The following SHOX2 variants were observed in gnomAD, a reference collection of about 807,000 sequenced individuals.
The protein encoded by SHOX2 is short stature homeobox protein 2.
Under a neutral mutation model 31.3 loss-of-function variants are expected in SHOX2, and 13 were observed. The observed-to-expected ratio is 0.42, with a 90% CI of 0.27 to 0.66. The LOEUF (loss-of-function observed/expected upper bound fraction) is 0.66, where lower values mean the gene tolerates loss of function less well. SHOX2 is among the 30% of genes least tolerant of loss of function. The pLI is 0.27. For missense variants in SHOX2, 473 were observed against 443.0 expected (o/e 1.07, Z -0.61); for synonymous variants, 244 against 196.2 (o/e 1.24, Z -2.04).
chr3:158,099,083 C>T (rs911606021), intron 4 of SHOX2, among the ~76,000 whole-genome samples: 3 of 152,172 alleles, frequency 2.0e-5, no homozygotes, highest in African/African-American at 7.2e-5. Flanking sequence ...TCTGTCTCCC[C>T]GGTCCAAGTC....
At chr3:158,101,801 G>A (rs1187521158) in intron 2 of SHOX2, among the ~76,000 whole-genome samples, 2 of 152,116 alleles carry the variant, frequency 1.3e-5, no homozygotes, top group South Asian at 2.1e-4. Flanking sequence ...TTATCTGAGC[G>A]GAAATACAAT....
chr3:158,102,402 G>T lies in SHOX2; in HGVS notation c.555+276C>A, dbSNP rs188821091. Among the ~76,000 whole-genome samples, 538 of 151,668 alleles carry T rather than the reference G, an allele frequency of 3.5e-3. 2 individuals are homozygous for T. The highest frequency in any genetic ancestry group is 0.012 in the African/African-American group (501 of 41,288). On this transcript the variant is annotated intron_variant, in intron 2 of 4. Coordinates refer to ENST00000483851, the MANE Select transcript of SHOX2 (RefSeq NM_001163678.2). Reference sequence around the variant, plus strand: ...TAAACCACATTAAAGCCAGTGCGAGGCAAGGGGGGTGTGGTTTATAGAAAC... The same window carrying T: ...TAAACCACATTAAAGCCAGTGCGAGTCAAGGGGGGTGTGGTTTATAGAAAC...
chr3:158,103,107 C>G, intron 1 of SHOX2: 2 of 594,654 alleles, frequency 3.4e-6, no homozygotes, highest in Non-Finnish European at 6.0e-6. Flanking sequence ...GAGCGGCCGC[C>G]TGGGGCAAGG....
chr3:158,105,573 C>G (rs1015426275), intron 1 of SHOX2, 106 bp downstream of exon 1: 15 of 1,048,852 alleles, frequency 1.4e-5, no homozygotes, highest in South Asian at 1.1e-4. Context: ...AGGGCCCTCT[C>G]CGTGTCCCTC....
chr3:158,100,597 G>A (rs930312586), intron 2 of SHOX2, among the ~76,000 whole-genome samples: 1 of 152,152 alleles, frequency 6.6e-6, no homozygotes, highest in African/African-American at 2.4e-5. Context: ...AACTCTGCTT[G>A]GTACCTGATA....
chr3:158,098,051 C>G lies in SHOX2; in HGVS notation c.936G>C (p.Lys312Asn). Reference protein sequence around the residue: ...SIADLRLKAKKHAAALGL With the variant: ...SIADLRLKAKNHAAALGL ...GTCACAGACCCAGGGCTGCGGCGTG[C>G]TTTTTGGCTTTCAGTCTGAGATCGG... is the stretch of plus-strand genomic sequence containing the variant. The change falls in exon 5 of 5, where the codon AAG (lysine) becomes AAC (asparagine). Residue 312 changes from lysine to asparagine, a missense_variant. Coordinates refer to ENST00000483851, the MANE Select transcript of SHOX2 (RefSeq NM_001163678.2). 1 of 1,607,412 alleles carries G rather than the reference C, an allele frequency of 6.2e-7. No individual in the cohort carries two copies. Among genetic ancestry groups the G allele is most frequent in the Non-Finnish European group, 8.5e-7 (1 of 1,175,646 alleles).
At chr3:158,103,026 G>A (rs977885356) in intron 1 of SHOX2, 140 bp from the exon 2 acceptor site, 1 of 820,248 alleles carries the variant, frequency 1.2e-6, no homozygotes, top group Admixed American at 2.1e-5. Flanking sequence ...CTTCCCCCTC[G>A]TGGAATCCTG....
Position 158,105,691 on chromosome 3 carries a change from G to T in SHOX2, c.334C>A (p.Arg112=), listed in dbSNP as rs763035740. Residue 112 remains arginine (R), a synonymous_variant, in exon 1 of 5, where the codon CGA becomes AGA. Transcript: ENST00000483851. The stretch of plus-strand genomic sequence containing the variant: ...GTCAGGTCGTTACCCTCCGTCAGTC[G>T]CGGGCTGCCCGGCTCCCTGCTTCTC... ...AERSREPGSP[R]LTEVSPELKD... 2.6e-6 allele frequency: 4 copies of T among 1,522,198 alleles called. No homozygotes were observed. The Admixed American group carries it at 8.2e-5, about 31-fold the overall frequency. 94.3% of individuals were successfully genotyped at this position (1,522,198 alleles called of 1,614,324 possible). A position where few individuals can be genotyped will look rare whatever the true frequency, so the allele number is the denominator to read the frequency against.
Position 158,098,069 on chromosome 3 carries a change from G to A in SHOX2, c.918C>T (p.Leu306=), listed in dbSNP as rs201236888. The change falls in exon 5 of 5, where the codon CTC becomes CTT. Residue 306 remains leucine (L), a synonymous_variant. Coordinates refer to ENST00000483851, the MANE Select transcript of SHOX2 (RefSeq NM_001163678.2). Reference sequence around the variant, plus strand: ...CGGCGTGCTTTTTGGCTTTCAGTCTGAGATCGGCGATGCTGGAGTTCTTGC... The same window carrying A: ...CGGCGTGCTTTTTGGCTTTCAGTCTAAGATCGGCGATGCTGGAGTTCTTGC... The part of the protein sequence containing the change: ...TTSKNSSIAD[L]RLKAKKHAAA... The A allele has an allele frequency of 5.6e-6, 9 of 1,611,288 alleles. No homozygotes were observed. Among genetic ancestry groups the A allele is most frequent in the South Asian group, 1.1e-5 (1 of 90,894 alleles).
intron 2 of SHOX2, 21 bp downstream of exon 2, chr3:158,102,657 G>C: frequency 6.2e-7 from 1 of 1,611,260 alleles, no homozygotes; most frequent in Non-Finnish European, 8.5e-7. Flanking sequence ...CTGGGCCCTC[G>C]ACCTCCTGGC....
At position 158,100,314 on chromosome 3, in the gene SHOX2, A is replaced by G. The variant is rs939585574; in HGVS notation, c.556-3T>C. 6.3e-7 allele frequency: 1 copy of G among 1,596,076 alleles called. No individual in the cohort carries two copies. The highest frequency in any genetic ancestry group is 8.5e-7 in the Non-Finnish European group (1 of 1,175,058). On this transcript the variant is annotated splice_polypyrimidine_tract_variant and splice_region_variant and intron_variant, in intron 2 of 4. Transcript: ENST00000483851. ...GCTCTTCGATTTTGAAACCAAACCT[A>G]TAGGTTGGAGGGGGAAAAAAAATAA...
rs200467564 is a variant in SHOX2 at position 158,099,931 on chromosome 3, C to G, written c.631G>C (p.Ala211Pro). ...QLHKGVLIGA[A>P]SQFEACRVAP... is the part of the protein sequence containing the mutation. ...ACTCTACAAGCTTCAAACTGGCTGG[C>G]GGCCCCTATGAGAACACCTGTAAAA... The change falls in exon 4 of 5, where the codon GCC becomes CCC. Residue 211 changes from alanine to proline, a missense_variant. Transcript: ENST00000483851. The G allele has an allele frequency of 6.2e-7, 1 of 1,614,012 alleles. No individual in the cohort carries two copies. Among genetic ancestry groups the G allele is most frequent in the Non-Finnish European group, 8.5e-7 (1 of 1,179,934 alleles).
chr3:158,098,574 C>A (rs1303128822), intron 4 of SHOX2, among the ~76,000 whole-genome samples: 1 of 152,182 alleles, frequency 6.6e-6, no homozygotes, highest in African/African-American at 2.4e-5. Context: ...GTGGCCGTCT[C>A]CCCTGGGAAC....
chr3:158,105,341 G>T, intron 1 of SHOX2: 1 of 591,118 alleles, frequency 1.7e-6, no homozygotes. Context: ...CCGGCCCCGC[G>T]AACTTCCACG....
chr3:158,105,888 G>T lies in SHOX2; in HGVS notation c.137C>A (p.Ala46Glu). ...CGGGCTGCTGCGGTCGTCGCGGCCC[G>T]CCTCGGTGCAGCCGGTCGGCTCCTT... ...GAKEPTGCTE[A>E]GRDDRSSPAV... The change falls in exon 1 of 5, where the codon GCG (alanine) becomes GAG (glutamate). Residue 46 changes from alanine to glutamate, a missense_variant. By Grantham distance (107) the Ala-to-Glu change is moderately radical. Transcript: ENST00000483851. 2 of 1,554,032 alleles carry T rather than the reference G, an allele frequency of 1.3e-6. No individual in the cohort carries two copies. The highest frequency in any genetic ancestry group is 1.7e-6 in the Non-Finnish European group (2 of 1,155,090).
intron 4 of SHOX2, among the ~76,000 whole-genome samples, 155 bp downstream of exon 4, chr3:158,099,705 T>G (rs1057102623): frequency 1.1e-4 from 17 of 152,202 alleles, no homozygotes; most frequent in African/African-American, 4.1e-4. Context: ...GTATAGGTTT[T>G]TAAAGGGTAG....
intron 2 of SHOX2, among the ~76,000 whole-genome samples, chr3:158,102,137 G>A (rs1423017612): frequency 1.3e-5 from 2 of 152,120 alleles, no homozygotes; most frequent in East Asian, 1.9e-4. Context: ...GTTTGAGATC[G>A]ACCGCTAACA....
chr3:158,105,155 C>A (rs1395875193), intron 1 of SHOX2: 1 of 1,447,444 alleles, frequency 6.9e-7, no homozygotes, highest in Non-Finnish European at 9.5e-7. Flanking sequence ...GAAGTTTTGG[C>A]CCCTAAGATC....
At position 158,105,915 on chromosome 3, in the gene SHOX2, G is replaced by T; in HGVS notation, c.110C>A (p.Ala37Asp). ...CTCGGTGCAGCCGGTCGGCTCCTTG[G>T]CCCCGCGCAGCGGCCCGCTCTCCAG... is the stretch of plus-strand genomic sequence containing the variant. Reference protein sequence around the residue: ...EVLESGPLRGAKEPTGCTEAG... With the variant: ...EVLESGPLRGDKEPTGCTEAG... Residue 37 changes from alanine (A) to aspartate (D), a missense_variant, in exon 1 of 5, where the codon GCC (alanine) becomes GAC (aspartate). By Grantham distance (126) the Ala-to-Asp change is moderately radical. Coordinates refer to ENST00000483851, the MANE Select transcript of SHOX2 (RefSeq NM_001163678.2). 6.2e-7 allele frequency: 1 copy of T among 1,604,590 alleles called. No homozygotes were observed. Among genetic ancestry groups the T allele is most frequent in the South Asian group, 1.1e-5 (1 of 90,856 alleles).
Sources: gnomAD v4.1 joint callset for allele counts (sites outside exome capture counted in the v4.1 genomes callset) on GRCh38, gnomAD v4.1.1 for gene constraint, MANE v1.5 for transcripts, NCBI Gene and HGNC (gene_info 2026-07-23, HGNC 2026-07-21) for gene names.